Variants in HDAC9 observed in about 807,000 individuals in gnomAD.
HDAC9 encodes MEF-2 interacting transcription repressor (MITR) protein.
In HDAC9, 41 loss-of-function variants were observed where a neutral mutation model predicts 139.4. The observed-to-expected ratio is 0.29, with a 90% CI of 0.23 to 0.38. The LOEUF (loss-of-function observed/expected upper bound fraction) is 0.38. HDAC9 is among the 10% of genes least tolerant of loss of function. HDAC9 has a pLI of 1.00. For synonymous variants in HDAC9, 517 were observed against 476.2 expected, an observed-to-expected ratio of 1.09 and a Z score of -1.12; for missense variants, 1,147 against 1,297.0, an observed-to-expected ratio of 0.88 and a Z score of 1.78.
intron 1 of HDAC9, among the ~76,000 whole-genome samples, chr7:18,305,908 G>A (rs1241417971): frequency 3.9e-5 from 6 of 152,078 alleles, no homozygotes; most frequent in Admixed American, 3.9e-4. Context: ...CTGGAACGAG[G>A]AAGGTAACCT....
intron 17 of HDAC9, among the ~76,000 whole-genome samples, chr7:18,807,159 T>G (rs1176552988): frequency 6.6e-6 from 1 of 152,188 alleles, no homozygotes; most frequent in African/African-American, 2.4e-5. Flanking sequence ...TTCTGTTTCT[T>G]CATGAAGACT....
chr7:18,428,921 G>C (rs898784161), intron 1 of HDAC9: 1 of 152,360 alleles, frequency 6.6e-6, no homozygotes, highest in Non-Finnish European at 1.5e-5. Flanking sequence ...CCAGTGCTTA[G>C]AGAGTTCATC....
intron 23 of HDAC9, among the ~76,000 whole-genome samples, chr7:18,941,682 A>T (rs1484100407): frequency 1.3e-5 from 2 of 152,262 alleles, no homozygotes; most frequent in East Asian, 3.9e-4. Context: ...ATATGTCAGA[A>T]TAGTGTTTTT....
chr7:18,866,802 T>C (rs985947891), intron 21 of HDAC9, among the ~76,000 whole-genome samples: 1 of 152,298 alleles, frequency 6.6e-6, no homozygotes, highest in Admixed American at 6.5e-5. Context: ...GTGGGTAGCG[T>C]CTTATGCCGT....
At chr7:18,374,014 T>C (rs1784789478) in intron 1 of HDAC9, among the ~76,000 whole-genome samples, 1 of 152,042 alleles carries the variant, frequency 6.6e-6, no homozygotes, top group Non-Finnish European at 1.5e-5. Flanking sequence ...AATATAAAAA[T>C]TATTGAAATC....
intron 1 of HDAC9, among the ~76,000 whole-genome samples, chr7:18,465,669 A>G (rs1794208561): frequency 6.6e-6 from 1 of 152,084 alleles, no homozygotes; most frequent in African/African-American, 2.4e-5. Context: ...TTGCCTTTTC[A>G]TTCCTTGATT....
At chr7:18,359,171 CA>C (rs1485038437) in intron 1 of HDAC9, among the ~76,000 whole-genome samples, 1 of 152,120 alleles carries the variant, frequency 6.6e-6, no homozygotes, top group Non-Finnish European at 1.5e-5. Flanking sequence ...GCCCAGACAA[CA>C]TGGCAAAACC....
intron 1 of HDAC9, among the ~76,000 whole-genome samples, chr7:18,423,281 T>C (rs980044573): frequency 3.9e-5 from 6 of 152,234 alleles, no homozygotes; most frequent in Admixed American, 3.9e-4. Flanking sequence ...GTGATTCTTT[T>C]GTAACCATAG....
At chr7:18,854,854 G>A (rs1040983869) in intron 21 of HDAC9, among the ~76,000 whole-genome samples, 1 of 152,070 alleles carries the variant, frequency 6.6e-6, no homozygotes, top group African/African-American at 2.4e-5. Context: ...GGTCATTGAC[G>A]TTATAGCATT....
At chr7:18,237,588 A>G (rs1399743115) in intron 2 of HDAC9, among the ~76,000 whole-genome samples, 1 of 152,206 alleles carries the variant, frequency 6.6e-6, no homozygotes, top group Non-Finnish European at 1.5e-5. Context: ...AAGGCACACT[A>G]GGGAGTTAAT....
chr7:18,286,713 A>G (rs1161143702), upstream of HDAC9, among the ~76,000 whole-genome samples: 2 of 152,134 alleles, frequency 1.3e-5, no homozygotes, highest in Admixed American at 6.5e-5. Flanking sequence ...ATTGAATTCC[A>G]TCATGACTCA....
At chr7:18,620,835 AT>A (rs1051656366) in intron 6 of HDAC9, among the ~76,000 whole-genome samples, 4 of 151,762 alleles carry the variant, frequency 2.6e-5, no homozygotes, top group South Asian at 2.1e-4. Flanking sequence ...ATGTATGACC[AT>A]TTTTTTTCCC....
intron 2 of HDAC9, among the ~76,000 whole-genome samples, chr7:18,253,494 T>C (rs1408497637): frequency 1.3e-5 from 2 of 152,256 alleles, no homozygotes; most frequent in Non-Finnish European, 2.9e-5. Context: ...TTCATTTTTC[T>C]AATGATCAGT....
rs966283209 is a variant in HDAC9 at position 18,443,048 on chromosome 7, A to G, written c.-41-53214A>G. ...GGAGCTACTGATTTGCTAGGGTATC[A>G]TAAACAGAAAGAGAATTAATAGTAG... is the stretch of plus-strand genomic sequence containing the variant. On this transcript the variant is annotated intron_variant, in intron 1 of 3. Transcript: ENST00000413509. 2.2e-4 allele frequency among the ~76,000 whole-genome samples: 33 copies of G among 152,366 alleles called. No homozygotes were observed. The South Asian group carries it at 2.7e-3, about 12-fold the overall frequency.
Position 18,192,378 on chromosome 7 carries a change from T to A in HDAC9, c.25+30029T>A, listed in dbSNP as rs187641518. Among the ~76,000 whole-genome samples the A allele has an allele frequency of 2.6e-5, 4 of 152,290 alleles. No individual in the cohort carries two copies. The East Asian group carries it at 7.7e-4, about 29-fold the overall frequency. ...ATATTCAAATGCACTTTGTTATGGATAAAAGGGAGTTCCTTGGGTAGATGT... is the reference window on the plus strand; with the variant it reads ...ATATTCAAATGCACTTTGTTATGGAAAAAAGGGAGTTCCTTGGGTAGATGT... On this transcript the variant is annotated intron_variant, in intron 2 of 12. Transcript: ENST00000417496.
chr7:18,131,516 T>C (rs1785007473), intron 1 of HDAC9, among the ~76,000 whole-genome samples: 1 of 152,200 alleles, frequency 6.6e-6, no homozygotes, highest in South Asian at 2.1e-4. Flanking sequence ...CATTTGTTTT[T>C]GGCTAGACAA....
intron 2 of HDAC9, among the ~76,000 whole-genome samples, chr7:18,178,036 T>A (rs537641140): frequency 1.3e-5 from 2 of 152,150 alleles, no homozygotes; most frequent in African/African-American, 4.8e-5. Flanking sequence ...CTGAACTTCC[T>A]CCATCCCCCT....
At chr7:18,669,481 C>T (rs1795533066) in intron 12 of HDAC9, among the ~76,000 whole-genome samples, 1 of 151,764 alleles carries the variant, frequency 6.6e-6, no homozygotes, top group South Asian at 2.1e-4. Context: ...ATCAGTATTG[C>T]ATTAGAGTAT....
chr7:18,235,021 TC>T (rs1485735583), intron 2 of HDAC9, among the ~76,000 whole-genome samples: 5 of 152,198 alleles, frequency 3.3e-5, no homozygotes, highest in African/African-American at 7.2e-5. Flanking sequence ...CCCTTTGGGA[TC>T]CTTTGCCCAG....
Sources: gnomAD v4.1 joint callset for allele counts (sites outside exome capture counted in the v4.1 genomes callset) on GRCh38, gnomAD v4.1.1 for gene constraint, MANE v1.5 for transcripts, NCBI Gene and HGNC (gene_info 2026-07-23, HGNC 2026-07-21) for gene names.